The following HHAT variants were observed in gnomAD, a reference collection of about 807,000 sequenced individuals.
HHAT encodes protein-cysteine N-palmitoyltransferase HHAT.
Under a neutral mutation model 70.8 loss-of-function variants are expected in HHAT, and 47 were observed. The observed-to-expected ratio is 0.66, with a 90% confidence interval of 0.53 to 0.85. The LOEUF (loss-of-function observed/expected upper bound fraction) is 0.85. Ranked by LOEUF, HHAT falls within the 40% of genes least tolerant of loss-of-function variation. HHAT has a pLI of 0.00. For missense variants in HHAT, 609 were observed against 604.8 expected, an observed-to-expected ratio of 1.01 and a Z score of -0.07; for synonymous variants, 228 against 247.6, an observed-to-expected ratio of 0.92 and a Z score of 0.74.
intron 9 of HHAT, among the ~76,000 whole-genome samples, chr1:210,578,956 A>AC (rs779795123): frequency 6.6e-6 from 1 of 152,222 alleles, no homozygotes; most frequent in African/African-American, 2.4e-5. Flanking sequence ...GTACATATCC[A>AC]CCATGGAATA....
rs151155297 is a variant in HHAT, at chr1:210,629,838, G to C, written c.1390+6168G>C. ...CTCCTCCTGTTTCTGTTTTTTTTTT[G>C]TTTTTTGTTTTTTGTTTTTTTTTTT... On this transcript the variant is annotated intron_variant, in intron 11 of 11. Coordinates refer to ENST00000261458, the MANE Select transcript of HHAT (RefSeq NM_018194.6). 8.9e-5 allele frequency among the ~76,000 whole-genome samples: 9 copies of C among 100,606 alleles called. No individual in the cohort carries two copies. In the East Asian group the frequency reaches 2.2e-3, roughly 24 times the overall value. 66.0% of individuals were successfully genotyped at this position (100,606 alleles called of 152,430 possible).
chr1:210,475,865 T>TAAAA (rs57833835), intron 8 of HHAT, among the ~76,000 whole-genome samples: 1 of 151,506 alleles, frequency 6.6e-6, no homozygotes, highest in East Asian at 1.9e-4. Flanking sequence ...TTGTTTTAGT[T>TAAAA]AAAAAAAAAT....
chr1:210,441,418 G>T (rs2093505088), intron 7 of HHAT, among the ~76,000 whole-genome samples: 1 of 152,186 alleles, frequency 6.6e-6, no homozygotes, highest in African/African-American at 2.4e-5. Flanking sequence ...TGCCAAAAGA[G>T]ACCTTGCTCG....
chr1:210,591,229 A>G (rs1051852862), intron 10 of HHAT, among the ~76,000 whole-genome samples: 1 of 152,100 alleles, frequency 6.6e-6, no homozygotes, highest in Non-Finnish European at 1.5e-5. Flanking sequence ...GCCTCTGGTC[A>G]TCATCCTTTT....
intron 9 of HHAT, among the ~76,000 whole-genome samples, chr1:210,571,171 G>T (rs1204940608): frequency 6.6e-6 from 1 of 152,194 alleles, no homozygotes; most frequent in East Asian, 1.9e-4. Flanking sequence ...TTGTCTTTGG[G>T]CATGAACCAG....
intron 1 of HHAT, 149 bp downstream of exon 1, chr1:210,329,253 G>A (rs1385301741): frequency 3.3e-6 from 4 of 1,230,566 alleles, no homozygotes; most frequent in Non-Finnish European, 4.1e-6. Flanking sequence ...GACAGAGGAA[G>A]TTCCCGGTCG....
intron 8 of HHAT, among the ~76,000 whole-genome samples, chr1:210,483,410 C>G (rs2094428245): frequency 6.6e-6 from 1 of 152,164 alleles, no homozygotes; most frequent in East Asian, 1.9e-4. Flanking sequence ...CTGTCATTAA[C>G]TGCATGAAAA....
At chr1:210,422,755 G>A (rs141381010) in intron 7 of HHAT, among the ~76,000 whole-genome samples, 1 of 151,996 alleles carries the variant, frequency 6.6e-6, no homozygotes, top group Non-Finnish European at 1.5e-5. Context: ...TCTTACCTCA[G>A]CCTCCTGAGT....
At chr1:210,457,074 G>A (rs940389222) in intron 7 of HHAT, among the ~76,000 whole-genome samples, 1 of 152,140 alleles carries the variant, frequency 6.6e-6, no homozygotes, top group Non-Finnish European at 1.5e-5. Context: ...TGGGGCAATA[G>A]CTACCTTTTG....
At chr1:210,513,084 T>G (rs2094987434) in intron 8 of HHAT, 69 bp from the exon 9 acceptor site, 1 of 898,334 alleles carries the variant, frequency 1.1e-6, no homozygotes, top group Admixed American at 2.1e-5. Flanking sequence ...ATTATAAATA[T>G]AGTTGTCTAG....
intron 8 of HHAT, among the ~76,000 whole-genome samples, chr1:210,474,352 G>C (rs926574): frequency 0.16 from 25,092 of 152,098 alleles, 2,484 homozygotes; most frequent in South Asian, 0.23. Context: ...TTGCAGTGGC[G>C]CCATCACGGC....
intron 6 of HHAT, among the ~76,000 whole-genome samples, chr1:210,411,698 G>A (rs2092561090): frequency 6.6e-6 from 1 of 152,144 alleles, no homozygotes; most frequent in African/African-American, 2.4e-5. Context: ...ATGAGGTAGG[G>A]TCACATCATT....
intron 5 of HHAT, among the ~76,000 whole-genome samples, chr1:210,403,380 G>C (rs1266459537): frequency 6.6e-6 from 1 of 152,148 alleles, no homozygotes; most frequent in Non-Finnish European, 1.5e-5. Flanking sequence ...CATTTATTTG[G>C]GGACAATTAG....
chr1:210,371,570 A>G (rs2089576635), intron 3 of HHAT, among the ~76,000 whole-genome samples: 1 of 152,202 alleles, frequency 6.6e-6, no homozygotes, highest in East Asian at 1.9e-4. Flanking sequence ...GAAGGGGAAA[A>G]ACTGTATAAA....
intron 9 of HHAT, among the ~76,000 whole-genome samples, chr1:210,563,936 T>C (rs2095646221): frequency 6.6e-6 from 1 of 152,096 alleles, no homozygotes; most frequent in Non-Finnish European, 1.5e-5. Flanking sequence ...GATGAACTCA[T>C]ACTACATTGT....
chr1:210,538,522 A>C (rs1314197346), intron 9 of HHAT, among the ~76,000 whole-genome samples: 1 of 152,206 alleles, frequency 6.6e-6, no homozygotes, highest in African/African-American at 2.4e-5. Flanking sequence ...TTCTGGAAAA[A>C]CAAGGATGCA....
intron 10 of HHAT, among the ~76,000 whole-genome samples, chr1:210,616,028 C>T (rs1375143551): frequency 6.6e-6 from 1 of 152,224 alleles, no homozygotes; most frequent in African/African-American, 2.4e-5. Flanking sequence ...TAGACTGGAG[C>T]TGTTCCTATT....
At chr1:210,529,660 G>A (rs762186533) in intron 9 of HHAT, among the ~76,000 whole-genome samples, 11 of 152,300 alleles carry the variant, frequency 7.2e-5, no homozygotes, top group African/African-American at 1.9e-4. Context: ...GAAGAGCATC[G>A]TGGGAATGAC....
chr1:210,516,295 G>C (rs1366391214), intron 9 of HHAT, among the ~76,000 whole-genome samples: 1 of 152,112 alleles, frequency 6.6e-6, no homozygotes, highest in African/African-American at 2.4e-5. Context: ...AGACAGGGCA[G>C]CTGGTGGAGA....
Sources: gnomAD v4.1 joint callset for allele counts (sites outside exome capture counted in the v4.1 genomes callset) on GRCh38, gnomAD v4.1.1 for gene constraint, MANE v1.5 for transcripts, NCBI Gene and HGNC (gene_info 2026-07-23, HGNC 2026-07-21) for gene names.